SLC1A2: variants seen among roughly 807,000 people sequenced by gnomAD.
The protein encoded by SLC1A2 is excitatory amino acid transporter 2.
In SLC1A2, 15 loss-of-function variants were observed where a neutral mutation model predicts 48.8. The observed-to-expected ratio is 0.31, with a 90% confidence interval of 0.21 to 0.47. The LOEUF (loss-of-function observed/expected upper bound fraction) is 0.47, where lower values mean the gene tolerates loss of function less well. SLC1A2 is among the 20% of genes least tolerant of loss of function. The pLI is 0.99. For missense variants in SLC1A2, 502 were observed against 730.5 expected, an observed-to-expected ratio of 0.69 and a Z score of 3.61; for synonymous variants, 279 against 272.6, an observed-to-expected ratio of 1.02 and a Z score of -0.23.
intron 1 of SLC1A2, chr11:35,391,395 G>C (rs975805815): frequency 6.6e-6 from 1 of 152,226 alleles, no homozygotes; most frequent in Non-Finnish European, 1.5e-5. Context: ...GGCTCTGGGC[G>C]ATTAAGTAAT....
At chr11:35,315,269 T>C (rs1851839183) in intron 2 of SLC1A2, 94 bp from the exon 3 acceptor site, 1 of 868,560 alleles carries the variant, frequency 1.2e-6, no homozygotes, top group Non-Finnish European at 1.9e-6. Flanking sequence ...ACCTTTCTCA[T>C]GCTTCTGCAG....
intron 1 of SLC1A2, among the ~76,000 whole-genome samples, chr11:35,412,350 G>A (rs1590292249): frequency 6.6e-6 from 1 of 152,138 alleles, no homozygotes; most frequent in East Asian, 1.9e-4. Context: ...GTAGATATAT[G>A]TCAATTGCCT....
At chr11:35,325,877 T>C (rs1265706966) in intron 1 of SLC1A2, among the ~76,000 whole-genome samples, 1 of 146,300 alleles carries the variant, frequency 6.8e-6, no homozygotes, top group East Asian at 2.0e-4. Flanking sequence ...GGCAGAAGAA[T>C]CACTTGAACC....
chr11:35,332,179 A>G (rs1392587718), intron 1 of SLC1A2, among the ~76,000 whole-genome samples: 1 of 152,216 alleles, frequency 6.6e-6, no homozygotes, highest in East Asian at 1.9e-4. Context: ...TCTAATTACC[A>G]CAAGTGATCA....
At chr11:35,382,878 T>A (rs1854475937) in intron 1 of SLC1A2, among the ~76,000 whole-genome samples, 1 of 152,092 alleles carries the variant, frequency 6.6e-6, no homozygotes, top group Admixed American at 6.5e-5. Context: ...TGTTTCCAGC[T>A]CTCTAGGAGT....
intron 6 of SLC1A2, among the ~76,000 whole-genome samples, chr11:35,294,789 A>G (rs1335016050): frequency 6.6e-6 from 1 of 152,190 alleles, no homozygotes; most frequent in Non-Finnish European, 1.5e-5. Context: ...GACTAGAGAG[A>G]GGTAACAGTT....
At chr11:35,409,139 G>C (rs1249778760) in intron 1 of SLC1A2, among the ~76,000 whole-genome samples, 3 of 152,208 alleles carry the variant, frequency 2.0e-5, no homozygotes, top group African/African-American at 7.2e-5. Flanking sequence ...GTGTACAAAA[G>C]TGTTCTTTCA....
chr11:35,314,510 C>T (rs1006253898), intron 3 of SLC1A2, among the ~76,000 whole-genome samples: 3 of 151,974 alleles, frequency 2.0e-5, no homozygotes, highest in Admixed American at 1.3e-4. Context: ...GTCAGGAGTT[C>T]GAGACCAGCT....
chr11:35,354,827 T>C (rs1853398017), intron 1 of SLC1A2, among the ~76,000 whole-genome samples: 1 of 152,204 alleles, frequency 6.6e-6, no homozygotes, highest in Admixed American at 6.5e-5. Flanking sequence ...CCTACTCTCA[T>C]GTGGACACAA....
chr11:35,289,681 G>A (rs756665502), intron 7 of SLC1A2, among the ~76,000 whole-genome samples: 2 of 152,048 alleles, frequency 1.3e-5, no homozygotes, highest in Non-Finnish European at 1.5e-5. Context: ...GGTATTGGAA[G>A]AAAATAAAAA....
intron 5 of SLC1A2, among the ~76,000 whole-genome samples, chr11:35,302,944 T>C (rs554226199): frequency 2.0e-4 from 30 of 150,842 alleles, no homozygotes; most frequent in South Asian, 1.1e-3. Flanking sequence ...TCAGTGTTGC[T>C]ATGTCCTTGG....
chr11:35,303,146 G>C (rs538003374), intron 5 of SLC1A2, among the ~76,000 whole-genome samples: 18 of 151,716 alleles, frequency 1.2e-4, no homozygotes, highest in Admixed American at 3.3e-4. Flanking sequence ...GTAAATTTTA[G>C]CATTATAATT....
chr11:35,368,200 AG>A (rs1300136272), intron 1 of SLC1A2, among the ~76,000 whole-genome samples: 1 of 152,244 alleles, frequency 6.6e-6, no homozygotes, highest in Non-Finnish European at 1.5e-5. Flanking sequence ...TCAATTCATC[AG>A]AACATTCATT....
At chr11:35,367,440 C>T (rs942593552) in intron 1 of SLC1A2, among the ~76,000 whole-genome samples, 1 of 152,308 alleles carries the variant, frequency 6.6e-6, no homozygotes, top group East Asian at 1.9e-4. Flanking sequence ...GCTTAAGTTC[C>T]GTCCCCAGCA....
chr11:35,301,446 G>A (rs1851352656), intron 6 of SLC1A2, 73 bp downstream of exon 6: 3 of 1,444,700 alleles, frequency 2.1e-6, no homozygotes, highest in South Asian at 1.2e-5. Flanking sequence ...CCTGCAGGGA[G>A]AGCTCCAGTA....
At chr11:35,317,865 T>C (rs543074329) in intron 1 of SLC1A2, among the ~76,000 whole-genome samples, 15 of 152,288 alleles carry the variant, frequency 9.8e-5, no homozygotes, top group Admixed American at 6.5e-5. Flanking sequence ...TCCAGATAGG[T>C]CTGGCTCCAA....
chr11:35,419,168 G>C lies in SLC1A2; in HGVS notation c.-202C>G. ...TCCTGCGGGCGCTAATCCGCGTCCC[G>C]GCTCTCCACGGCGCGCGACCCGCGC... On this transcript the variant is annotated 5_prime_UTR_variant, in exon 1 of 11. Coordinates refer to ENST00000278379, the MANE Select transcript of SLC1A2 (RefSeq NM_004171.4). This position sits in a 1 kb window ranked among gnomAD's most constrained non-coding sequence, Gnocchi z 5.4. The C allele has an allele frequency of 2.1e-6, 1 of 467,402 alleles. No individual in the cohort carries two copies. Among genetic ancestry groups the C allele is most frequent in the East Asian group, 3.6e-5 (1 of 27,980 alleles). The allele number at this position is 467,402 out of a possible 1,614,324, so 29.0% of individuals were successfully genotyped here. A position where few individuals can be genotyped will look rare whatever the true frequency, so the allele number is the denominator to read the frequency against.
At chr11:35,326,757 A>T (rs7102122) in intron 1 of SLC1A2, among the ~76,000 whole-genome samples, 2 of 152,076 alleles carry the variant, frequency 1.3e-5, no homozygotes, top group South Asian at 2.1e-4. Flanking sequence ...CTTCCTCAAA[A>T]GTTCCCTGGA....
At chr11:35,291,828 A>G in intron 7 of SLC1A2, 1 of 164,316 alleles carries the variant, frequency 6.1e-6, no homozygotes, top group Non-Finnish European at 1.3e-5. Flanking sequence ...GTCTCACCTA[A>G]CATACCATTT....
Sources: allele counts gnomAD v4.1 joint callset (sites outside exome capture counted in the v4.1 genomes callset), GRCh38; gene constraint gnomAD v4.1.1; non-coding constraint Gnocchi (gnomAD v3.1); transcripts MANE v1.5; gene names NCBI Gene and HGNC (gene_info 2026-07-23, HGNC 2026-07-21).